Variants in AFF1 observed in about 807,000 individuals in gnomAD.
AFF1 encodes AF4/FMR2 family member 1.
Under a neutral mutation model 121.7 loss-of-function variants are expected in AFF1, and 48 were observed. The observed-to-expected ratio is 0.39, with a 90% CI of 0.31 to 0.50. The LOEUF is 0.50. Among genes scored for constraint, AFF1 ranks in the 20% least tolerant of loss-of-function variants. The pLI is 0.76. For synonymous variants in AFF1, 613 were observed against 563.0 expected (o/e 1.09, Z -1.26); for missense variants, 1,523 against 1,511.7 (o/e 1.01, Z -0.12).
chr4:87,025,592 C>A (rs914754301), intron 2 of AFF1, among the ~76,000 whole-genome samples: 5 of 152,138 alleles, frequency 3.3e-5, no homozygotes, highest in Admixed American at 1.3e-4. Flanking sequence ...GAGATTTTAC[C>A]CTTCCCTATC....
chr4:87,053,053 T>C (rs1373898703), intron 4 of AFF1, among the ~76,000 whole-genome samples: 1 of 152,162 alleles, frequency 6.6e-6, no homozygotes, highest in Non-Finnish European at 1.5e-5. Flanking sequence ...GTGGCAGTCA[T>C]AAACAGGAGT....
chr4:87,108,048 G>T, intron 10 of AFF1, 111 bp from the exon 11 acceptor site: 1 of 1,153,904 alleles, frequency 8.7e-7, no homozygotes, highest in African/African-American at 1.5e-5. Context: ...GTTTAGCAGT[G>T]TATCTAATAC....
intron 2 of AFF1, among the ~76,000 whole-genome samples, chr4:87,028,452 A>G (rs1728746234): frequency 1.3e-5 from 2 of 152,140 alleles, no homozygotes. Context: ...TGTATCTGGG[A>G]AGATGATTAG....
At chr4:87,126,456 A>G in intron 14 of AFF1, 120 bp downstream of exon 14, 1 of 901,766 alleles carries the variant, frequency 1.1e-6, no homozygotes, top group Non-Finnish European at 1.7e-6. Flanking sequence ...TAATGAGGCA[A>G]CTGTTTGTGT....
chr4:86,986,795 T>C (rs1019027795), intron 2 of AFF1, among the ~76,000 whole-genome samples: 3 of 152,102 alleles, frequency 2.0e-5, no homozygotes, highest in African/African-American at 7.2e-5. Flanking sequence ...TTAAGTAATA[T>C]TACATTAATA....
intron 4 of AFF1, among the ~76,000 whole-genome samples, chr4:87,054,353 G>A (rs1719875084): frequency 6.6e-6 from 1 of 152,150 alleles, no homozygotes; most frequent in South Asian, 2.1e-4. Flanking sequence ...TGATGGATGG[G>A]GCTTTCATTC....
intron 2 of AFF1, among the ~76,000 whole-genome samples, chr4:86,952,676 CAAAA>C (rs1721439146): frequency 6.9e-6 from 1 of 145,582 alleles, no homozygotes; most frequent in South Asian, 2.1e-4. Flanking sequence ...AACAAAAAAA[CAAAA>C]ACACAACTTT....
chr4:87,126,238 A>C lies in AFF1; in HGVS notation c.2713A>C (p.Lys905Gln). 2.5e-6 allele frequency: 4 copies of C among 1,614,098 alleles called. No individual in the cohort carries two copies. The highest frequency in any genetic ancestry group is 1.7e-6 in the Non-Finnish European group (2 of 1,180,002). The change falls in exon 14 of 21, where the codon AAA (lysine) becomes CAA (glutamine). Residue 905 changes from lysine (K) to glutamine (Q), a missense_variant. Physicochemically the swap from Lys to Gln is moderately conservative, Grantham distance 53. Transcript: ENST00000395146. ...EADTCGQDPP[K>Q]SASSTKSNHK... ...AGACACCTGTGGCCAGGACCCTCCC[A>C]AAAGTGCCAGCAGTACCAAGAGCAA...
chr4:86,954,376 T>C (rs997726046), intron 2 of AFF1, among the ~76,000 whole-genome samples: 1 of 152,204 alleles, frequency 6.6e-6, no homozygotes, highest in Non-Finnish European at 1.5e-5. Context: ...TATTTTGATA[T>C]GTATTAAGTA....
chr4:87,007,496 A>G, intron 2 of AFF1: 2 of 1,557,736 alleles, frequency 1.3e-6, no homozygotes, highest in Admixed American at 1.7e-5. Flanking sequence ...GGGGGAGGGC[A>G]GGGTGCGGGG....
chr4:87,020,780 G>A (rs1165672842), intron 2 of AFF1: 1 of 985,104 alleles, frequency 1.0e-6, no homozygotes, highest in East Asian at 1.1e-4. Flanking sequence ...ACCATGCCCA[G>A]TAATGCCATG....
intron 2 of AFF1, among the ~76,000 whole-genome samples, chr4:86,979,754 T>A (rs534625515): frequency 6.6e-6 from 1 of 152,336 alleles, no homozygotes; most frequent in South Asian, 2.1e-4. Context: ...CATGTCTTAT[T>A]GAAAAGGTTG....
chr4:87,049,652 A>G (rs1731075210), intron 4 of AFF1: 1 of 456,222 alleles, frequency 2.2e-6, no homozygotes, highest in Non-Finnish European at 4.4e-6. Flanking sequence ...GCCTCTGTTC[A>G]CAGTCAGCAT....
chr4:86,987,558 A>G (rs1724383827), intron 2 of AFF1, among the ~76,000 whole-genome samples: 1 of 152,194 alleles, frequency 6.6e-6, no homozygotes, highest in Non-Finnish European at 1.5e-5. Flanking sequence ...GTAGGTGATA[A>G]CTGATTAATA....
intron 8 of AFF1, among the ~76,000 whole-genome samples, chr4:87,096,459 T>C (rs541438446): frequency 6.8e-6 from 1 of 147,362 alleles, no homozygotes; most frequent in Admixed American, 6.8e-5. Flanking sequence ...CTCCAAGTCC[T>C]GGGCTAAAGC....
At chr4:87,035,513 A>G (rs991264269) in intron 2 of AFF1, among the ~76,000 whole-genome samples, 3 of 151,856 alleles carry the variant, frequency 2.0e-5, no homozygotes, top group African/African-American at 7.3e-5. Flanking sequence ...GTGAGCGGAG[A>G]TCGCGCCACT....
chr4:87,007,294 C>T (rs1388482578), intron 2 of AFF1: 2 of 1,570,454 alleles, frequency 1.3e-6, no homozygotes, highest in Non-Finnish European at 8.6e-7. Context: ...CGGGGCGCCG[C>T]GCCGGGACGC....
At chr4:86,975,208 G>T (rs1257469985) in intron 2 of AFF1, among the ~76,000 whole-genome samples, 15 of 151,754 alleles carry the variant, frequency 9.9e-5, no homozygotes, top group African/African-American at 3.6e-4. Flanking sequence ...ACACTACTTT[G>T]TTTTTTTAGG....
chr4:87,121,980 G>T (rs1234771187), intron 12 of AFF1, among the ~76,000 whole-genome samples: 1 of 152,296 alleles, frequency 6.6e-6, no homozygotes. Context: ...ACAAAAATCA[G>T]CTCTCATTTC....
Sources: gnomAD v4.1 joint callset for allele counts (sites outside exome capture counted in the v4.1 genomes callset) on GRCh38, gnomAD v4.1.1 for gene constraint, MANE v1.5 for transcripts, NCBI Gene and HGNC (gene_info 2026-07-23, HGNC 2026-07-21) for gene names.